GDNF: variants seen among roughly 807,000 people sequenced by gnomAD.
GDNF encodes glial cell derived neurotrophic factor.
A neutral mutation model predicts 13.7 loss-of-function variants in GDNF; 5 were observed. The ratio of observed to expected loss-of-function variants is 0.36; its 90% confidence interval spans 0.19 to 0.77. The LOEUF (loss-of-function observed/expected upper bound fraction) is 0.77. GDNF is among the 30% of genes least tolerant of loss of function. The pLI, the probability that GDNF is intolerant of heterozygous loss-of-function variation, is 0.51. For synonymous variants in GDNF, 122 were observed against 112.5 expected (o/e 1.08, Z -0.53); for missense variants, 246 against 274.3 (o/e 0.90, Z 0.73).
In GDNF at chr5:37,834,551, A is replaced by G. The variant is rs1750628056; in HGVS notation, c.151+95T>C. On this transcript the variant is annotated intron_variant, in intron 2 of 2. Coordinates refer to ENST00000326524, the MANE Select transcript of GDNF (RefSeq NM_000514.4). ...CCACGGGTCGGTAGGCCACACAGCC[A>G]TCAGGCTGGCTTGGGGTACGTGCGG... 8.6e-6 allele frequency: 10 copies of G among 1,168,206 alleles called. No homozygotes were observed. In the Admixed American group the frequency reaches 1.9e-4, roughly 22 times the overall value. The allele number at this position is 1,168,206 out of a possible 1,614,324, so 72.4% of individuals were successfully genotyped here. A position where few individuals can be genotyped will look rare whatever the true frequency, so the allele number is the denominator to read the frequency against.
intron 2 of GDNF, among the ~76,000 whole-genome samples, chr5:37,825,845 C>G (rs1750294742): frequency 1.3e-5 from 2 of 152,140 alleles, no homozygotes; most frequent in Admixed American, 1.3e-4. Flanking sequence ...AAGAAATCTT[C>G]TTTATCATTT....
At chr5:37,835,484 C>A in intron 1 of GDNF, 2 of 1,480,936 alleles carry the variant, frequency 1.4e-6, no homozygotes, top group South Asian at 1.4e-5. Flanking sequence ...AGACTTTTGG[C>A]CTGTATGGGA....
At chr5:37,827,435 C>T (rs1406481991) in intron 2 of GDNF, among the ~76,000 whole-genome samples, 2 of 152,094 alleles carry the variant, frequency 1.3e-5, no homozygotes, top group East Asian at 1.9e-4. Flanking sequence ...AAAAACGAGG[C>T]AAAATGCTAA....
chr5:37,824,717 C>T (rs1750246990), intron 2 of GDNF, among the ~76,000 whole-genome samples: 1 of 152,220 alleles, frequency 6.6e-6, no homozygotes, highest in Non-Finnish European at 1.5e-5. Context: ...ATTTTGGACA[C>T]AGAATTCATC....
intron 2 of GDNF, among the ~76,000 whole-genome samples, chr5:37,816,644 T>G (rs529126845): frequency 5.0e-4 from 76 of 152,216 alleles, no homozygotes; most frequent in Admixed American, 1.1e-3. Context: ...CAAGGAATTC[T>G]AATGTAAAAG....
chr5:37,836,392 A>T (rs928391502), intron 1 of GDNF, among the ~76,000 whole-genome samples: 11 of 151,610 alleles, frequency 7.3e-5, no homozygotes, highest in Middle Eastern at 3.2e-3. Flanking sequence ...GCCACCTCCC[A>T]CCTCTGCAGA....
chr5:37,821,055 C>T (rs886489519), intron 2 of GDNF, among the ~76,000 whole-genome samples: 1 of 152,204 alleles, frequency 6.6e-6, no homozygotes, highest in African/African-American at 2.4e-5. Context: ...CATGTTCCGA[C>T]TAAATGAGTT....
rs1349522773 is a variant in GDNF at position 37,837,587 on chromosome 5, C to G, written c.-27+1920G>C. Reference sequence around the variant, plus strand: ...AGGGGGCACCAGAAACCGTCTGAGCCGTGTCGCGCCCACGCGGCCCGGAGG... The same window carrying G: ...AGGGGGCACCAGAAACCGTCTGAGCGGTGTCGCGCCCACGCGGCCCGGAGG... On this transcript the variant is annotated intron_variant, in intron 1 of 2. Coordinates refer to ENST00000326524, the MANE Select transcript of GDNF (RefSeq NM_000514.4). The surrounding 1 kb of genome is among the most constrained non-coding windows in gnomAD (Gnocchi z 6.5). 6.6e-6 allele frequency among the ~76,000 whole-genome samples: 1 copy of G among 152,230 alleles called. No homozygotes were observed. The highest frequency in any genetic ancestry group is 1.5e-5 in the Non-Finnish European group (1 of 68,040).
chr5:37,830,815 A>G (rs1354737095), intron 2 of GDNF, among the ~76,000 whole-genome samples: 2 of 152,252 alleles, frequency 1.3e-5, no homozygotes, highest in East Asian at 3.8e-4. Flanking sequence ...GTTAAGTAAC[A>G]GCTCAACATC....
intron 2 of GDNF, among the ~76,000 whole-genome samples, chr5:37,831,920 C>G (rs1750534164): frequency 6.6e-6 from 1 of 152,236 alleles, no homozygotes; most frequent in Non-Finnish European, 1.5e-5. Flanking sequence ...TGAGTTTAGA[C>G]AGGCTAGAAG....
chr5:37,815,828 C>T lies in GDNF; in HGVS notation c.459G>A (p.Glu153=). Residue 153 remains glutamate, a synonymous_variant, in exon 3 of 3, where the codon GAG becomes GAA. Transcript: ENST00000326524. The surrounding 1 kb of genome is among the most constrained non-coding windows in gnomAD (Gnocchi z 5.0). ...RYCSGSCDAA[E]TTYDKILKNL... is the part of the protein sequence containing the mutation. Reference sequence around the variant, plus strand: ...TTTTCAATATTTTGTCGTACGTTGTCTCAGCTGCATCGCAAGAGCCGCTGC... The same window carrying T: ...TTTTCAATATTTTGTCGTACGTTGTTTCAGCTGCATCGCAAGAGCCGCTGC... 2 of 1,614,162 alleles carry T rather than the reference C, an allele frequency of 1.2e-6. No homozygotes were observed. The highest frequency in any genetic ancestry group is 2.2e-5 in the East Asian group (1 of 44,896).
chr5:37,837,732 C>T lies in GDNF; in HGVS notation c.-27+1775G>A, dbSNP rs1750759208. On this transcript the variant is annotated intron_variant, in intron 1 of 2. Transcript: ENST00000326524. The surrounding 1 kb of genome is among the most constrained non-coding windows in gnomAD (Gnocchi z 6.5). ...ACTGGCATCTCTGCTTTTCAGGCTC[C>T]CACCCCTCCATTCTCGCTGGTTTTC... Among the ~76,000 whole-genome samples the T allele has an allele frequency of 1.3e-5, 2 of 152,310 alleles. No homozygotes were observed. The highest frequency in any genetic ancestry group is 2.9e-5 in the Non-Finnish European group (2 of 68,028).
chr5:37,815,958 C>G lies in GDNF; in HGVS notation c.329G>C (p.Gly110Ala). The change falls in exon 3 of 3, where the codon GGC becomes GCC. Residue 110 changes from glycine (G) to alanine (A), a missense_variant. By Grantham distance (60) the Gly-to-Ala change is moderately conservative. Coordinates refer to ENST00000326524, the MANE Select transcript of GDNF (RefSeq NM_000514.4). The surrounding 1 kb of genome is among the most constrained non-coding windows in gnomAD (Gnocchi z 5.0). ...PENSRGKGRR[G>A]QRGKNRGCVL... ...ACAACCCCGGTTTTTGCCCCTCTGG[C>G]CTCTCCGACCTTTTCCTCTGGAATT... is the stretch of plus-strand genomic sequence containing the variant. 2.5e-6 allele frequency: 4 copies of G among 1,614,174 alleles called. No individual in the cohort carries two copies. The highest frequency in any genetic ancestry group is 3.4e-6 in the Non-Finnish European group (4 of 1,180,022).
chr5:37,831,457 T>A (rs994199907), intron 2 of GDNF, among the ~76,000 whole-genome samples: 5 of 152,254 alleles, frequency 3.3e-5, no homozygotes, highest in African/African-American at 1.2e-4. Context: ...ACTTATTAAA[T>A]ACATTTAGAG....
intron 1 of GDNF, among the ~76,000 whole-genome samples, chr5:37,836,665 G>GC (rs1283963393): frequency 6.6e-6 from 1 of 152,148 alleles, no homozygotes; most frequent in African/African-American, 2.4e-5. Context: ...CCCCCCTCAA[G>GC]CCCCCCGCCG....
At position 37,814,297 on chromosome 5, in the gene GDNF, C is replaced by T. The variant is rs1749830490; in HGVS notation, c.*1354G>A. The T allele has an allele frequency of 6.6e-6, 1 of 152,240 alleles. No homozygotes were observed. Among genetic ancestry groups the T allele is most frequent in the African/African-American group, 2.4e-5 (1 of 41,430 alleles). 9.4% of individuals were successfully genotyped at this position (152,240 alleles called of 1,614,324 possible). A position where few individuals can be genotyped will look rare whatever the true frequency, so the allele number is the denominator to read the frequency against. On this transcript the variant is annotated 3_prime_UTR_variant, in exon 3 of 3. Coordinates refer to ENST00000326524, the MANE Select transcript of GDNF (RefSeq NM_000514.4). Reference sequence around the variant, plus strand: ...AGGTATACGTGGAGGGGACTAAGAGCTTAAAGACAACAGGAAGTGGAGCCC... The same window carrying T: ...AGGTATACGTGGAGGGGACTAAGAGTTTAAAGACAACAGGAAGTGGAGCCC...
intron 2 of GDNF, among the ~76,000 whole-genome samples, chr5:37,825,647 G>A (rs1750285515): frequency 6.6e-6 from 1 of 152,162 alleles, no homozygotes; most frequent in Non-Finnish European, 1.5e-5. Context: ...AGGTGGTTGT[G>A]GGGGTGGTGG....
chr5:37,836,136 C>G (rs1750695742), intron 1 of GDNF, among the ~76,000 whole-genome samples: 1 of 152,128 alleles, frequency 6.6e-6, no homozygotes, highest in African/African-American at 2.4e-5. Flanking sequence ...CTGCGAGATT[C>G]GTGCAGTCGA....
intron 1 of GDNF, among the ~76,000 whole-genome samples, chr5:37,835,224 A>C (rs1019328103): frequency 7.1e-6 from 1 of 140,300 alleles, no homozygotes; most frequent in Non-Finnish European, 1.5e-5. Context: ...CCTCCACCCC[A>C]ACCAGAGACC....
Sources: allele counts gnomAD v4.1 joint callset (sites outside exome capture counted in the v4.1 genomes callset), GRCh38; gene constraint gnomAD v4.1.1; non-coding constraint Gnocchi (gnomAD v3.1); transcripts MANE v1.5; gene names NCBI Gene and HGNC (gene_info 2026-07-23, HGNC 2026-07-21).